JAKMIP1: variants seen among roughly 807,000 people sequenced by gnomAD.
The protein encoded by JAKMIP1 is janus kinase and microtubule interacting protein 1.
In JAKMIP1, 33 loss-of-function variants were observed where a neutral mutation model predicts 113.0. That is an observed-to-expected ratio of 0.29 (90% CI 0.22 to 0.39). JAKMIP1 has a LOEUF of 0.39. Ranked by LOEUF, JAKMIP1 falls within the 10% of genes least tolerant of loss-of-function variation. The pLI is 1.00. For missense variants in JAKMIP1, 813 were observed against 1,080.5 expected, an observed-to-expected ratio of 0.75 and a Z score of 3.47; for synonymous variants, 480 against 459.9, an observed-to-expected ratio of 1.04 and a Z score of -0.56.
In JAKMIP1 at chr4:6,167,746, G is replaced by T. The variant is rs75543717; in HGVS notation, c.-148+32507C>A. On this transcript the variant is annotated intron_variant, in intron 1 of 20. Coordinates refer to ENST00000409021, the MANE Select transcript of JAKMIP1 (RefSeq NM_001099433.2). This position sits in a 1 kb window ranked among gnomAD's most constrained non-coding sequence, Gnocchi z 5.3. ...TATCCTCACTTTACAGATGTGAACT[G>T]CCCAAGGGCACGCGGCTTTTCCACG... Among the ~76,000 whole-genome samples the T allele has an allele frequency of 0.01, 1,596 of 152,328 alleles. 46 individuals carry two copies. Among genetic ancestry groups the T allele is most frequent in the Admixed American group, 0.074 (1,137 of 15,308 alleles).
In JAKMIP1 at chr4:6,050,537, C is replaced by T. The variant is rs1355211986; in HGVS notation, c.1908+41G>A. ...AGCTGAGCCGGGCACTGAGCGAGCC[C>T]TTGGCTGGCATTCAGCAGAGGCACC... On this transcript the variant is annotated intron_variant, in intron 14 of 20. Transcript: ENST00000409021. The surrounding 1 kb of genome is among the most constrained non-coding windows in gnomAD (Gnocchi z 7.4). 6.9e-7 allele frequency: 1 copy of T among 1,448,418 alleles called. No homozygotes were observed. Among genetic ancestry groups the T allele is most frequent in the Non-Finnish European group, 9.5e-7 (1 of 1,054,332 alleles). The allele number at this position is 1,448,418 out of a possible 1,614,324, so 89.7% of individuals were successfully genotyped here.
At chr4:6,190,432 C>A (rs1241052691) in intron 1 of JAKMIP1, among the ~76,000 whole-genome samples, 1 of 152,000 alleles carries the variant, frequency 6.6e-6, no homozygotes, top group Non-Finnish European at 1.5e-5. Context: ...ACTTGCTCAT[C>A]CTACACTCTT....
At chr4:6,152,908 T>G (rs1406763562) in intron 1 of JAKMIP1, among the ~76,000 whole-genome samples, 6 of 150,146 alleles carry the variant, frequency 4.0e-5, no homozygotes, top group Admixed American at 2.0e-4. Flanking sequence ...GAGGCGGAGG[T>G]TGCAGTGAGC....
At chr4:6,037,287 C>T in intron 18 of JAKMIP1, among the ~76,000 whole-genome samples, 1 of 125,254 alleles carries the variant, frequency 8.0e-6, no homozygotes, top group Non-Finnish European at 1.6e-5. Context: ...AACCCAGTAG[C>T]CCTCCAACAC....
At chr4:6,124,855 G>A (rs944705753) in intron 1 of JAKMIP1, among the ~76,000 whole-genome samples, 1 of 152,244 alleles carries the variant, frequency 6.6e-6, no homozygotes, top group Non-Finnish European at 1.5e-5. Flanking sequence ...AAGCAAGATC[G>A]GGTGTCCCTG....
intron 11 of JAKMIP1, among the ~76,000 whole-genome samples, 185 bp downstream of exon 11, chr4:6,060,239 G>C (rs377476076): frequency 6.6e-6 from 1 of 152,078 alleles, no homozygotes; most frequent in Admixed American, 6.5e-5. Flanking sequence ...TTTTTAACTC[G>C]GCACACAGGT....
chr4:6,139,018 A>G lies in JAKMIP1; in HGVS notation c.-147-26021T>C, dbSNP rs1389392519. On this transcript the variant is annotated intron_variant, in intron 1 of 20. Coordinates refer to ENST00000409021, the MANE Select transcript of JAKMIP1 (RefSeq NM_001099433.2). This position sits in a 1 kb window ranked among gnomAD's most constrained non-coding sequence, Gnocchi z 5.2. ...CTGTCTGTTCATCCTCCATGGCCTTAGTCAAGCTGTTATTGTTTGCATGTG... is the reference window on the plus strand; with the variant it reads ...CTGTCTGTTCATCCTCCATGGCCTTGGTCAAGCTGTTATTGTTTGCATGTG... Among the ~76,000 whole-genome samples the G allele has an allele frequency of 6.6e-6, 1 of 151,542 alleles. No individual in the cohort carries two copies. Among genetic ancestry groups the G allele is most frequent in the Admixed American group, 6.6e-5 (1 of 15,202 alleles).
Position 6,051,867 on chromosome 4 carries a change from TG to T in JAKMIP1, c.1807-1189del, listed in dbSNP as rs558616755. Among the ~76,000 whole-genome samples, 74 of 152,344 alleles carry T rather than the reference TG, an allele frequency of 4.9e-4. No individual in the cohort carries two copies. The highest frequency in any genetic ancestry group is 1.6e-3 in the African/African-American group (68 of 41,582). ...ACTTTAGCGATGGACAGATTTGTCA[TG>T]GTGGGGCAGCAGAGAAGACCTTTTC... On this transcript the variant is annotated intron_variant, in intron 13 of 20. Transcript: ENST00000409021. This position sits in a 1 kb window ranked among gnomAD's most constrained non-coding sequence, Gnocchi z 5.0.
At chr4:6,114,972 G>A (rs76169098) in intron 1 of JAKMIP1, among the ~76,000 whole-genome samples, 15 of 152,326 alleles carry the variant, frequency 9.8e-5, no homozygotes, top group Admixed American at 4.6e-4. Context: ...CCAGAGATAC[G>A]GTCTCTGATA....
chr4:6,152,811 CATAT>C (rs1205061386), intron 1 of JAKMIP1, among the ~76,000 whole-genome samples: 1 of 103,434 alleles, frequency 9.7e-6, no homozygotes, highest in African/African-American at 6.3e-5. Context: ...TATATATATA[CATAT>C]ATATATATAG....
intron 1 of JAKMIP1, among the ~76,000 whole-genome samples, chr4:6,163,746 T>C (rs1175264296): frequency 6.6e-6 from 1 of 152,236 alleles, no homozygotes; most frequent in Non-Finnish European, 1.5e-5. Flanking sequence ...AAAGTGCTAC[T>C]CTGGTGAACA....
chr4:6,155,150 G>A lies in JAKMIP1; in HGVS notation c.-147-42153C>T, dbSNP rs147670964. The stretch of plus-strand genomic sequence containing the variant: ...TCTGTGACAATGCAGTTGACTCTCC[G>A]CTATCAAAAGGCCTACACATGAATG... On this transcript the variant is annotated intron_variant, in intron 1 of 20. Transcript: ENST00000409021. This position sits in a 1 kb window ranked among gnomAD's most constrained non-coding sequence, Gnocchi z 6.1. Among the ~76,000 whole-genome samples the A allele has an allele frequency of 5.3e-5, 8 of 150,722 alleles. No homozygotes were observed. Among genetic ancestry groups the A allele is most frequent in the South Asian group, 4.2e-4 (2 of 4,802 alleles).
chr4:6,049,089 G>A lies in JAKMIP1; in HGVS notation c.1963-167C>T, dbSNP rs189275081. Reference sequence around the variant, plus strand: ...GTCACCTGGGTTTGAGTGCAGTGGTGTGATCTCGGCTCACTGTAACCTCTG... The same window carrying A: ...GTCACCTGGGTTTGAGTGCAGTGGTATGATCTCGGCTCACTGTAACCTCTG... On this transcript the variant is annotated intron_variant, in intron 15 of 20. Coordinates refer to ENST00000409021, the MANE Select transcript of JAKMIP1 (RefSeq NM_001099433.2). The surrounding 1 kb of genome is among the most constrained non-coding windows in gnomAD (Gnocchi z 7.0). Among the ~76,000 whole-genome samples, 9 of 152,306 alleles carry A rather than the reference G, an allele frequency of 5.9e-5. No homozygotes were observed. In the Middle Eastern group the frequency reaches 0.01, roughly 173 times the overall value.
In JAKMIP1 at chr4:6,138,068, G is replaced by C. The variant is rs1449073761; in HGVS notation, c.-147-25071C>G. ...AGGCCAGCTCTGGGGTGACACTCTG[G>C]GGGTCAAGCCTAAGCCCAGACAAGA... On this transcript the variant is annotated intron_variant, in intron 1 of 20. Coordinates refer to ENST00000409021, the MANE Select transcript of JAKMIP1 (RefSeq NM_001099433.2). The surrounding 1 kb of genome is among the most constrained non-coding windows in gnomAD (Gnocchi z 6.0). 6.6e-6 allele frequency among the ~76,000 whole-genome samples: 1 copy of C among 151,626 alleles called. No individual in the cohort carries two copies. The highest frequency in any genetic ancestry group is 1.9e-4 in the East Asian group (1 of 5,164).
At position 6,140,467 on chromosome 4, in the gene JAKMIP1, G is replaced by A. The variant is rs1270657952; in HGVS notation, c.-147-27470C>T. ...GCTCAGGTCCTGCTTCATCAACACTGGGGGTCAGTGATTCGTGGTCCCCCC... is the reference window on the plus strand; with the variant it reads ...GCTCAGGTCCTGCTTCATCAACACTAGGGGTCAGTGATTCGTGGTCCCCCC... On this transcript the variant is annotated intron_variant, in intron 1 of 20. Transcript: ENST00000409021. This position sits in a 1 kb window ranked among gnomAD's most constrained non-coding sequence, Gnocchi z 9.4. 6.6e-6 allele frequency among the ~76,000 whole-genome samples: 1 copy of A among 152,010 alleles called. No homozygotes were observed. The highest frequency in any genetic ancestry group is 1.5e-5 in the Non-Finnish European group (1 of 67,996).
At chr4:6,127,845 C>A (rs954718281) in intron 1 of JAKMIP1, among the ~76,000 whole-genome samples, 1 of 152,214 alleles carries the variant, frequency 6.6e-6, no homozygotes, top group Non-Finnish European at 1.5e-5. Flanking sequence ...AAGAAGCAAA[C>A]AAAAACTGAC....
intron 1 of JAKMIP1, among the ~76,000 whole-genome samples, chr4:6,149,599 G>A (rs1243458286): frequency 2.0e-5 from 3 of 152,196 alleles, no homozygotes; most frequent in Non-Finnish European, 2.9e-5. Context: ...CTCTTCTGAA[G>A]ATTAAAGAAA....
At chr4:6,123,101 A>G (rs1026188326) in intron 1 of JAKMIP1, among the ~76,000 whole-genome samples, 12 of 152,232 alleles carry the variant, frequency 7.9e-5, no homozygotes, top group Non-Finnish European at 1.8e-4. Context: ...AGGCTCTGTT[A>G]GTTTTTCTAT....
intron 1 of JAKMIP1, among the ~76,000 whole-genome samples, chr4:6,146,700 T>C (rs1720902921): frequency 6.6e-6 from 1 of 152,212 alleles, no homozygotes; most frequent in African/African-American, 2.4e-5. Context: ...CAATGTTATG[T>C]TACATGTAGA....
Sources: gnomAD v4.1 joint callset for allele counts (sites outside exome capture counted in the v4.1 genomes callset) on GRCh38, gnomAD v4.1.1 for gene constraint, Gnocchi (gnomAD v3.1) non-coding constraint, MANE v1.5 for transcripts, NCBI Gene and HGNC (gene_info 2026-07-23, HGNC 2026-07-21) for gene names.